The following NRG3 variants were observed in gnomAD, a reference collection of about 807,000 sequenced individuals.
The protein encoded by NRG3 is neuregulin 3.
NRG3 carries 31 observed loss-of-function variants against 66.9 expected under a neutral mutation model. The observed-to-expected ratio is 0.46, with a 90% confidence interval of 0.35 to 0.63. The LOEUF (loss-of-function observed/expected upper bound fraction) is 0.63, where lower values mean the gene tolerates loss of function less well. Ranked by LOEUF, NRG3 falls within the 20% of genes least tolerant of loss-of-function variation. NRG3 has a pLI of 0.00. For synonymous variants in NRG3, 393 were observed against 359.4 expected (o/e 1.09, Z -1.06); for missense variants, 910 against 878.9 (o/e 1.04, Z -0.45).
chr10:82,555,735 T>C (rs2044606080), intron 2 of NRG3, among the ~76,000 whole-genome samples: 1 of 152,204 alleles, frequency 6.6e-6, no homozygotes, highest in African/African-American at 2.4e-5. Flanking sequence ...GATTTGGCCA[T>C]TTATCCCTTC....
intron 1 of NRG3, among the ~76,000 whole-genome samples, chr10:82,241,969 C>T (rs781451576): frequency 6.6e-6 from 1 of 152,082 alleles, no homozygotes; most frequent in Non-Finnish European, 1.5e-5. Context: ...GATGTAAATT[C>T]ACAGCACATA....
At chr10:82,310,650 A>G (rs900190282) in intron 1 of NRG3, among the ~76,000 whole-genome samples, 2 of 152,144 alleles carry the variant, frequency 1.3e-5, no homozygotes, top group Non-Finnish European at 2.9e-5. Flanking sequence ...ATTTCTTCCA[A>G]TCATTTTTTT....
chr10:82,799,368 A>C (rs2060934139), intron 3 of NRG3, among the ~76,000 whole-genome samples: 1 of 152,018 alleles, frequency 6.6e-6, no homozygotes, highest in Admixed American at 6.5e-5. Context: ...TCTACTAAAA[A>C]TACAAAAACT....
chr10:82,001,946 A>C (rs1002550160), intron 1 of NRG3, among the ~76,000 whole-genome samples: 1 of 152,108 alleles, frequency 6.6e-6, no homozygotes, highest in Non-Finnish European at 1.5e-5. Flanking sequence ...AACTTCAACA[A>C]TCATCCTCCT....
intron 2 of NRG3, among the ~76,000 whole-genome samples, chr10:82,532,952 G>T (rs531396579): frequency 6.6e-6 from 1 of 150,466 alleles, no homozygotes; most frequent in Non-Finnish European, 1.5e-5. Flanking sequence ...TATTTTCTGG[G>T]GTTTTGTTTG....
At chr10:82,139,978 G>A (rs577510110) in intron 1 of NRG3, among the ~76,000 whole-genome samples, 1 of 152,154 alleles carries the variant, frequency 6.6e-6, no homozygotes, top group South Asian at 2.1e-4. Context: ...GTTTTAATAA[G>A]GTTTTCAGTT....
intron 4 of NRG3, among the ~76,000 whole-genome samples, chr10:82,938,930 G>C (rs1848329235): frequency 6.6e-6 from 1 of 152,172 alleles, no homozygotes; most frequent in Non-Finnish European, 1.5e-5. Flanking sequence ...GCTATTATAG[G>C]TTCAGGAAAA....
At chr10:81,996,667 G>GAGA (rs1467348336) in intron 1 of NRG3, among the ~76,000 whole-genome samples, 1 of 152,080 alleles carries the variant, frequency 6.6e-6, no homozygotes, top group Non-Finnish European at 1.5e-5. Context: ...GACTGAGAGG[G>GAGA]AGAAGAAGAG....
intron 1 of NRG3, among the ~76,000 whole-genome samples, chr10:82,290,474 A>G (rs1015339371): frequency 6.6e-6 from 1 of 152,306 alleles, no homozygotes; most frequent in South Asian, 2.1e-4. Flanking sequence ...TTTCTTGAAG[A>G]CAACACATTG....
intron 1 of NRG3, among the ~76,000 whole-genome samples, chr10:82,134,895 G>A (rs2069211065): frequency 6.6e-6 from 1 of 152,022 alleles, no homozygotes; most frequent in African/African-American, 2.4e-5. Context: ...GGCTGAGGCA[G>A]GCAGATCACC....
Position 82,357,375 on chromosome 10 carries a change from G to A in NRG3, c.824-1364G>A, listed in dbSNP as rs570743829. ...CTGCTCGCTCACCATCAGTTGTGAC[G>A]ATAATCAGGGAAGAAGCTCATTGTG... On this transcript the variant is annotated intron_variant, in intron 1 of 8. Transcript: ENST00000372141. Among the ~76,000 whole-genome samples, 15 of 152,302 alleles carry A rather than the reference G, an allele frequency of 9.8e-5. No homozygotes were observed. The South Asian group carries it at 2.1e-3, about 21-fold the overall frequency.
At chr10:82,072,822 A>G (rs1474461184) in intron 1 of NRG3, among the ~76,000 whole-genome samples, 1 of 151,956 alleles carries the variant, frequency 6.6e-6, no homozygotes, top group African/African-American at 2.4e-5. Context: ...GCTGGAGTGC[A>G]GTGGCACAAT....
At chr10:82,964,397 A>C (rs1564672837) in intron 6 of NRG3, among the ~76,000 whole-genome samples, 1 of 152,144 alleles carries the variant, frequency 6.6e-6, no homozygotes, top group Admixed American at 6.5e-5. Context: ...ACACATGAAG[A>C]ATCCCCCTGG....
intron 2 of NRG3, among the ~76,000 whole-genome samples, chr10:82,699,333 G>T (rs975395206): frequency 1.3e-5 from 2 of 151,706 alleles, no homozygotes; most frequent in African/African-American, 4.8e-5. Flanking sequence ...AAGAAGGAAG[G>T]AAGGAAGAAG....
At chr10:82,436,829 A>T (rs1181705344) in intron 2 of NRG3, among the ~76,000 whole-genome samples, 1 of 152,122 alleles carries the variant, frequency 6.6e-6, no homozygotes. Flanking sequence ...TTCTGGGTTG[A>T]AAATTATTTT....
At chr10:82,619,660 T>A (rs1192725232) in intron 2 of NRG3, among the ~76,000 whole-genome samples, 1 of 152,186 alleles carries the variant, frequency 6.6e-6, no homozygotes, top group Non-Finnish European at 1.5e-5. Context: ...TGACTTTAGT[T>A]GGAGACATAT....
At chr10:82,455,637 C>T (rs1311195556) in intron 2 of NRG3, among the ~76,000 whole-genome samples, 12 of 143,638 alleles carry the variant, frequency 8.4e-5, no homozygotes, top group East Asian at 2.1e-4. Context: ...TTTTTTGAGA[C>T]GGAGTCTCAC....
intron 1 of NRG3, among the ~76,000 whole-genome samples, chr10:82,344,881 A>T (rs1376505520): frequency 8.5e-6 from 1 of 117,938 alleles, no homozygotes; most frequent in Non-Finnish European, 1.6e-5. Flanking sequence ...GTGTCCGTTC[A>T]TGTCCTTCGC....
chr10:81,980,109 G>A (rs1190309964), intron 1 of NRG3, among the ~76,000 whole-genome samples: 5 of 152,126 alleles, frequency 3.3e-5, no homozygotes, highest in East Asian at 1.9e-4. Flanking sequence ...TATCTATTCC[G>A]TTTGAATATA....
Sources: allele counts gnomAD v4.1 joint callset (sites outside exome capture counted in the v4.1 genomes callset), GRCh38; gene constraint gnomAD v4.1.1; transcripts MANE v1.5; gene names NCBI Gene and HGNC (gene_info 2026-07-23, HGNC 2026-07-21).